FHAD1: variants seen among roughly 807,000 people sequenced by gnomAD.
The protein encoded by FHAD1 is forkhead-associated domain-containing protein 1.
A neutral mutation model predicts 191.3 loss-of-function variants in FHAD1; 146 were observed. That is an observed-to-expected ratio of 0.76 (90% CI 0.67 to 0.88). The LOEUF (loss-of-function observed/expected upper bound fraction) is 0.88. Among genes scored for constraint, FHAD1 ranks in the 40% least tolerant of loss-of-function variants. FHAD1 has a pLI of 0.00. For synonymous variants in FHAD1, 616 were observed against 672.3 expected (o/e 0.92, Z 1.29); for missense variants, 1,635 against 1,785.8 (o/e 0.92, Z 1.52).
intron 25 of FHAD1, 101 bp downstream of exon 25, chr1:15,367,723 G>A: frequency 1.1e-6 from 1 of 875,840 alleles, no homozygotes; most frequent in Admixed American, 2.6e-5. Flanking sequence ...TTGAGGAGTT[G>A]AATGAATGAA....
At position 15,381,989 on chromosome 1, in the gene FHAD1, A is replaced by G; in HGVS notation, c.4023-39A>G. On this transcript the variant is annotated intron_variant, in intron 30 of 33. Transcript: ENST00000688493. This position sits in a 1 kb window ranked among gnomAD's most constrained non-coding sequence, Gnocchi z 4.6. Reference sequence around the variant, plus strand: ...GGCACATTGATGATGATTGGGAAAGATAAGGGAAAAACAGACGCCATCTCT... The same window carrying G: ...GGCACATTGATGATGATTGGGAAAGGTAAGGGAAAAACAGACGCCATCTCT... The G allele has an allele frequency of 5.8e-6, 9 of 1,545,436 alleles. No homozygotes were observed. The highest frequency in any genetic ancestry group is 6.1e-6 in the Non-Finnish European group (7 of 1,142,470).
rs575530890 is a variant in FHAD1, at chr1:15,289,833, C to T, written c.568+167C>T. On this transcript the variant is annotated intron_variant, in intron 4 of 33. Coordinates refer to ENST00000688493, the MANE Select transcript of FHAD1 (RefSeq NM_001391957.1). The surrounding 1 kb of genome is among the most constrained non-coding windows in gnomAD (Gnocchi z 4.2). ...GTAAGAAAACAGTTAAAAAATCAGC[C>T]GTAATCCTTATCCCCAGGGTCTCCC... 2.6e-5 allele frequency among the ~76,000 whole-genome samples: 4 copies of T among 152,268 alleles called. No homozygotes were observed. The East Asian group carries it at 5.8e-4, about 22-fold the overall frequency.
intron 26 of FHAD1, among the ~76,000 whole-genome samples, chr1:15,372,263 C>T (rs916413180): frequency 3.3e-5 from 5 of 152,078 alleles, no homozygotes; most frequent in Admixed American, 1.3e-4. Context: ...CCCAGGAGGG[C>T]CTCAGACGGC....
intron 16 of FHAD1, 112 bp from the exon 17 acceptor site, chr1:15,344,971 C>A: frequency 1.3e-6 from 1 of 795,864 alleles, no homozygotes; most frequent in Non-Finnish European, 2.1e-6. Flanking sequence ...TGCCCACAGC[C>A]TCCCCAGGGG....
upstream of FHAD1, among the ~76,000 whole-genome samples, chr1:15,244,768 A>G (rs969763894): frequency 1.3e-5 from 2 of 148,908 alleles, no homozygotes; most frequent in Admixed American, 6.6e-5. This position sits in a 1 kb window ranked among gnomAD's most constrained non-coding sequence, Gnocchi z 5.1. Context: ...TCAGGGAGGG[A>G]GACACAATAA....
At chr1:15,376,550 C>T (rs559477704) in intron 28 of FHAD1, among the ~76,000 whole-genome samples, 1 of 152,158 alleles carries the variant, frequency 6.6e-6, no homozygotes, top group African/African-American at 2.4e-5. Flanking sequence ...TTCCTAGAGT[C>T]AGAGGGACCT....
chr1:15,252,295 GT>G (rs1646878683), intron 2 of FHAD1, among the ~76,000 whole-genome samples: 1 of 152,222 alleles, frequency 6.6e-6, no homozygotes, highest in African/African-American at 2.4e-5. Context: ...CGGCCGCCCT[GT>G]AGACAGAGAG....
chr1:15,382,494 A>G (rs1431801920), intron 31 of FHAD1, among the ~76,000 whole-genome samples: 1 of 152,128 alleles, frequency 6.6e-6, no homozygotes, highest in East Asian at 1.9e-4. Flanking sequence ...GGGATACATA[A>G]GCTCTCAGAG....
chr1:15,249,149 A>G (rs890078178), intron 1 of FHAD1, among the ~76,000 whole-genome samples: 2 of 152,228 alleles, frequency 1.3e-5, no homozygotes, highest in East Asian at 3.9e-4. Flanking sequence ...CAAGAAAATG[A>G]CAGAGAATGA....
At chr1:15,353,706 A>AAAAAAAAAAAAAAAAAAAAAGAAAAG (rs1691680481) in intron 20 of FHAD1, among the ~76,000 whole-genome samples, 1 of 54,418 alleles carries the variant, frequency 1.8e-5, no homozygotes, top group Non-Finnish European at 4.5e-5. Flanking sequence ...CTCCATCTCA[A>AAAAAAAAAAAAAAAAAAAAAGAAAAG]AAAAAAAAAA....
intron 3 of FHAD1, among the ~76,000 whole-genome samples, chr1:15,284,782 C>T (rs1027382187): frequency 2.0e-5 from 3 of 151,942 alleles, no homozygotes; most frequent in Non-Finnish European, 2.9e-5. Context: ...GAAATTCAGC[C>T]GTGGGTGTGG....
Position 15,349,183 on chromosome 1 carries a change from G to C in FHAD1, c.2454+34G>C, listed in dbSNP as rs565299175. 2.8e-4 allele frequency: 416 copies of C among 1,467,310 alleles called. 5 individuals are homozygous for C. The South Asian group carries it at 3.4e-3, about 12-fold the overall frequency. The allele number at this position is 1,467,310 out of a possible 1,614,324, so 90.9% of individuals were successfully genotyped here. On this transcript the variant is annotated intron_variant, in intron 19 of 33. Coordinates refer to ENST00000688493, the MANE Select transcript of FHAD1 (RefSeq NM_001391957.1). Reference sequence around the variant, plus strand: ...AGCAGCAGGAAAGAATCCTCTGGAAGGAACTACAAAGCCAGATCCCTGGGA... The same window carrying C: ...AGCAGCAGGAAAGAATCCTCTGGAACGAACTACAAAGCCAGATCCCTGGGA...
At position 15,316,524 on chromosome 1, in the gene FHAD1, A is replaced by G. The variant is rs1321153076; in HGVS notation, c.1260+57A>G. On this transcript the variant is annotated intron_variant, in intron 9 of 33. Transcript: ENST00000688493. This position sits in a 1 kb window ranked among gnomAD's most constrained non-coding sequence, Gnocchi z 4.3. ...CCAGAAAAAACAGAGTTTGACCTTG[A>G]GGTTCTTGGTGGGATCCTGGGCCAT... 2.7e-6 allele frequency: 4 copies of G among 1,460,022 alleles called. No homozygotes were observed. The African/African-American group carries it at 5.7e-5, about 21-fold the overall frequency. The allele number at this position is 1,460,022 out of a possible 1,614,324, so 90.4% of individuals were successfully genotyped here.
At chr1:15,283,675 C>T (rs12133970) in intron 3 of FHAD1, among the ~76,000 whole-genome samples, 10,829 of 152,256 alleles carry the variant, frequency 0.071, 513 homozygotes, top group South Asian at 0.18. Context: ...AGTGAGCCAG[C>T]TACAGCCCTG....
At chr1:15,308,059 AT>A (rs1322338288) in intron 6 of FHAD1, among the ~76,000 whole-genome samples, 6 of 152,302 alleles carry the variant, frequency 3.9e-5, no homozygotes, top group Admixed American at 3.9e-4. Context: ...AGTCTCGGGT[AT>A]GTCTTTATCA....
intron 5 of FHAD1, among the ~76,000 whole-genome samples, chr1:15,299,220 A>G (rs55957135): frequency 5.0e-5 from 6 of 119,810 alleles, no homozygotes; most frequent in East Asian, 2.2e-4. Context: ...AAAAAAAAGG[A>G]AAAAAAAAAA....
Position 15,307,977 on chromosome 1 carries a change from G to A in FHAD1, c.916-636G>A, listed in dbSNP as rs112982553. Among the ~76,000 whole-genome samples the A allele has an allele frequency of 1.9e-3, 287 of 151,870 alleles. 1 individual carries two copies. Among genetic ancestry groups the A allele is most frequent in the African/African-American group, 6.4e-3 (265 of 41,406 alleles). ...GATCTCCTGACCTCATGATCCACCC[G>A]CCTCAGCCTCCCAAAGTGCTGGGAT... On this transcript the variant is annotated intron_variant, in intron 6 of 33. Coordinates refer to ENST00000688493, the MANE Select transcript of FHAD1 (RefSeq NM_001391957.1).
Position 15,382,163 on chromosome 1 carries a change from G to A in FHAD1, c.4158G>A (p.Lys1386=), listed in dbSNP as rs747125221. ...ERMEHQLCQE[K]RINRAIRQQK... Reference sequence around the variant, plus strand: ...TGGAGCACCAGCTGTGCCAGGAGAAGAGGATCAACAGGGCCATCCGGCAGC... The same window carrying A: ...TGGAGCACCAGCTGTGCCAGGAGAAAAGGATCAACAGGGCCATCCGGCAGC... Residue 1386 remains lysine, a synonymous_variant, in exon 31 of 34, where the codon AAG becomes AAA. Transcript: ENST00000688493. 6.4e-7 allele frequency: 1 copy of A among 1,551,874 alleles called. No individual in the cohort carries two copies. The highest frequency in any genetic ancestry group is 8.7e-7 in the Non-Finnish European group (1 of 1,147,096).
upstream of FHAD1, among the ~76,000 whole-genome samples, chr1:15,242,663 G>T (rs916045820): frequency 2.0e-5 from 3 of 152,110 alleles, no homozygotes; most frequent in African/African-American, 4.8e-5. Context: ...ATATAGAAAG[G>T]TCTCAGAGCA....
Sources: allele counts gnomAD v4.1 joint callset (sites outside exome capture counted in the v4.1 genomes callset), GRCh38; gene constraint gnomAD v4.1.1; non-coding constraint Gnocchi (gnomAD v3.1); transcripts MANE v1.5; gene names NCBI Gene and HGNC (gene_info 2026-07-23, HGNC 2026-07-21).